Variants in WDPCP observed in about 807,000 individuals in gnomAD.
The protein encoded by WDPCP is WD repeat-containing and planar cell polarity effector protein fritz homolog.
Under a neutral mutation model 93.1 loss-of-function variants are expected in WDPCP, and 71 were observed. That is an observed-to-expected ratio of 0.76 (90% CI 0.63 to 0.93). The LOEUF (loss-of-function observed/expected upper bound fraction) is 0.93. Ranked by LOEUF, WDPCP falls within the 40% of genes least tolerant of loss-of-function variation. The pLI, the probability that WDPCP is intolerant of heterozygous loss-of-function variation, is 0.00. For missense variants in WDPCP, 844 were observed against 887.4 expected (o/e 0.95, Z 0.62); for synonymous variants, 315 against 315.0 (o/e 1.00, Z 0.00).
chr2:63,705,995 T>C (rs888844552), intron 2 of WDPCP, among the ~76,000 whole-genome samples: 4 of 152,190 alleles, frequency 2.6e-5, no homozygotes, highest in African/African-American at 7.2e-5. Flanking sequence ...ATTGGGTGCA[T>C]ATATATTTAG....
At chr2:63,192,851 C>G (rs1298582069) in intron 14 of WDPCP, among the ~76,000 whole-genome samples, 1 of 152,190 alleles carries the variant, frequency 6.6e-6, no homozygotes, top group Non-Finnish European at 1.5e-5. Flanking sequence ...TCTAAAATCT[C>G]CAAAGGATTT....
At chr2:63,371,736 C>G (rs1691409527) in intron 12 of WDPCP, among the ~76,000 whole-genome samples, 1 of 152,138 alleles carries the variant, frequency 6.6e-6, no homozygotes, top group South Asian at 2.1e-4. Flanking sequence ...AGGGCCAGGG[C>G]CAAGGCTAAG....
intron 2 of WDPCP, among the ~76,000 whole-genome samples, chr2:63,768,873 A>G (rs1319489612): frequency 6.6e-6 from 1 of 152,042 alleles, no homozygotes; most frequent in Non-Finnish European, 1.5e-5. Flanking sequence ...GGTACTTTCA[A>G]CAGTCAATGA....
intron 12 of WDPCP, among the ~76,000 whole-genome samples, chr2:63,326,765 GAC>G (rs935969478): frequency 6.6e-6 from 1 of 151,880 alleles, no homozygotes; most frequent in African/African-American, 2.4e-5. Flanking sequence ...GAGAGGAAGA[GAC>G]AGACAAAGAG....
chr2:63,541,704 G>A (rs1437200654), intron 1 of WDPCP, among the ~76,000 whole-genome samples: 1 of 152,086 alleles, frequency 6.6e-6, no homozygotes, highest in African/African-American at 2.4e-5. Flanking sequence ...AAAAGCCAGT[G>A]CCATACCAAC....
intron 3 of WDPCP, among the ~76,000 whole-genome samples, chr2:63,608,914 C>T (rs1455084436): frequency 6.6e-6 from 1 of 152,138 alleles, no homozygotes; most frequent in African/African-American, 2.4e-5. Context: ...AGCATAAAAA[C>T]AAAATTTCAT....
At chr2:63,393,380 T>G (rs1269423716) in intron 10 of WDPCP, among the ~76,000 whole-genome samples, 1 of 151,626 alleles carries the variant, frequency 6.6e-6, no homozygotes, top group African/African-American at 2.4e-5. Context: ...CACTGGGGCC[T>G]GTCAGCGGGT....
chr2:63,265,868 C>T (rs572668378), intron 13 of WDPCP, among the ~76,000 whole-genome samples: 1 of 152,074 alleles, frequency 6.6e-6, no homozygotes, highest in Non-Finnish European at 1.5e-5. Flanking sequence ...ATATATAAAT[C>T]AATAAGTGTG....
At chr2:63,687,573 A>C (rs1029364578) in intron 2 of WDPCP, among the ~76,000 whole-genome samples, 1 of 152,252 alleles carries the variant, frequency 6.6e-6, no homozygotes, top group African/African-American at 2.4e-5. Flanking sequence ...ACAAACAGGC[A>C]TATGAAAAGG....
At chr2:63,485,769 T>C (rs75766212) in intron 4 of WDPCP, among the ~76,000 whole-genome samples, 2,489 of 151,888 alleles carry the variant, frequency 0.016, 78 homozygotes, top group African/African-American at 0.057. Context: ...TCATTAATAA[T>C]TCTAAATGAG....
At chr2:63,559,637 G>T (rs1021592080) in intron 1 of WDPCP, among the ~76,000 whole-genome samples, 1 of 152,028 alleles carries the variant, frequency 6.6e-6, no homozygotes, top group Non-Finnish European at 1.5e-5. Context: ...CAATAGACAA[G>T]CAGAGAGCCA....
chr2:63,254,729 G>A (rs1680999779), intron 14 of WDPCP, among the ~76,000 whole-genome samples: 1 of 152,036 alleles, frequency 6.6e-6, no homozygotes, highest in South Asian at 2.1e-4. Flanking sequence ...CATATATAAA[G>A]AGCTGGATCA....
chr2:63,686,409 C>T (rs922745219), intron 2 of WDPCP, among the ~76,000 whole-genome samples: 1 of 151,988 alleles, frequency 6.6e-6, no homozygotes, highest in Non-Finnish European at 1.5e-5. Context: ...CTGCAATGAA[C>T]GCTATAAAAC....
intron 9 of WDPCP, among the ~76,000 whole-genome samples, chr2:63,432,841 T>C (rs1696863227): frequency 1.3e-5 from 2 of 152,162 alleles, no homozygotes; most frequent in South Asian, 4.1e-4. Context: ...TAAAGTCAGA[T>C]AGGGTAGGTG....
At chr2:63,148,313 T>G (rs1671662787) in intron 17 of WDPCP, among the ~76,000 whole-genome samples, 2 of 152,040 alleles carry the variant, frequency 1.3e-5, no homozygotes, top group South Asian at 4.2e-4. Context: ...GGTGACAGAA[T>G]GAGACACTGT....
At chr2:63,277,039 C>T (rs1432881542) in intron 13 of WDPCP, among the ~76,000 whole-genome samples, 1 of 152,118 alleles carries the variant, frequency 6.6e-6, no homozygotes, top group Non-Finnish European at 1.5e-5. Flanking sequence ...TCAGCAGAAA[C>T]CCTATAAGCT....
intron 1 of WDPCP, among the ~76,000 whole-genome samples, chr2:63,583,482 GATC>G (rs1160564602): frequency 1.3e-5 from 2 of 152,064 alleles, no homozygotes; most frequent in Non-Finnish European, 2.9e-5. Context: ...AAGAGATCGA[GATC>G]ATCTGACCAA....
chr2:63,427,208 A>T (rs1696391867), intron 9 of WDPCP, among the ~76,000 whole-genome samples: 1 of 152,216 alleles, frequency 6.6e-6, no homozygotes, highest in African/African-American at 2.4e-5. Context: ...GAAGTTCTGG[A>T]CTAAATTGCA....
intron 2 of WDPCP, among the ~76,000 whole-genome samples, chr2:63,712,439 T>C (rs1403301931): frequency 6.6e-6 from 1 of 152,240 alleles, no homozygotes; most frequent in Non-Finnish European, 1.5e-5. Context: ...CAAGAATAAT[T>C]TCTCCTGTCC....
Sources: gnomAD v4.1 joint callset for allele counts (sites outside exome capture counted in the v4.1 genomes callset) on GRCh38, gnomAD v4.1.1 for gene constraint, MANE v1.5 for transcripts, NCBI Gene and HGNC (gene_info 2026-07-23, HGNC 2026-07-21) for gene names.